HSD17B6: variants seen among roughly 807,000 people sequenced by gnomAD.
HSD17B6 encodes the protein hydroxysteroid 17-beta dehydrogenase 6, also known as 17-beta-hydroxysteroid dehydrogenase type 6.
HSD17B6 carries 16 observed loss-of-function variants against 26.4 expected under a neutral mutation model. The ratio of observed to expected loss-of-function variants is 0.61; its 90% CI spans 0.41 to 0.92. The LOEUF is 0.92. HSD17B6 is among the 40% of genes least tolerant of loss of function. HSD17B6 has a pLI of 0.00. For synonymous variants in HSD17B6, 139 were observed against 153.0 expected, an observed-to-expected ratio of 0.91 and a Z score of 0.68; for missense variants, 357 against 386.1, an observed-to-expected ratio of 0.92 and a Z score of 0.63.
chr12:56,767,888 C>CAT (rs536860203), intron 1 of HSD17B6, among the ~76,000 whole-genome samples: 2 of 148,660 alleles, frequency 1.3e-5, no homozygotes, highest in Admixed American at 1.4e-4. Context: ...CGTATATACA[C>CAT]ATATATATAC....
intron 3 of HSD17B6, among the ~76,000 whole-genome samples, chr12:56,784,371 C>T (rs536225528): frequency 6.6e-6 from 1 of 152,338 alleles, no homozygotes; most frequent in African/African-American, 2.4e-5. Flanking sequence ...CGCCACTGCA[C>T]TCCAGCCTGG....
chr12:56,765,518 A>G (rs2137891547), intron 1 of HSD17B6, among the ~76,000 whole-genome samples: 1 of 152,074 alleles, frequency 6.6e-6, no homozygotes, highest in South Asian at 2.1e-4. Flanking sequence ...AATTTTTCCA[A>G]ACAGGGTGTT....
At chr12:56,784,279 G>T (rs1411774646) in intron 3 of HSD17B6, among the ~76,000 whole-genome samples, 1 of 152,212 alleles carries the variant, frequency 6.6e-6, no homozygotes, top group Non-Finnish European at 1.5e-5. Context: ...CGGGGTGGCA[G>T]CCGGGCAGAG....
intron 3 of HSD17B6, 147 bp downstream of exon 3, chr12:56,782,379 C>A: frequency 2.4e-6 from 2 of 830,582 alleles, no homozygotes; most frequent in Non-Finnish European, 3.6e-6. Context: ...AGCTAACAGG[C>A]TCAAATTTTC....
chr12:56,774,939 T>A (rs1246010913), intron 2 of HSD17B6, among the ~76,000 whole-genome samples: 3 of 152,226 alleles, frequency 2.0e-5, no homozygotes, highest in Non-Finnish European at 4.4e-5. Flanking sequence ...GGTACCAGTC[T>A]ATGGCCCAGG....
At chr12:56,766,760 C>A (rs1954338883) in intron 1 of HSD17B6, among the ~76,000 whole-genome samples, 1 of 152,038 alleles carries the variant, frequency 6.6e-6, no homozygotes, top group Non-Finnish European at 1.5e-5. Context: ...AATCAAGAGG[C>A]ATTGAGGAGT....
At chr12:56,773,469 C>A (rs1005124069) in intron 1 of HSD17B6, among the ~76,000 whole-genome samples, 1 of 152,220 alleles carries the variant, frequency 6.6e-6, no homozygotes, top group Non-Finnish European at 1.5e-5. Flanking sequence ...GTGCTGCTCA[C>A]GACTCCCTTC....
intron 2 of HSD17B6, among the ~76,000 whole-genome samples, chr12:56,780,884 C>G (rs575942269): frequency 2.7e-5 from 4 of 148,882 alleles, no homozygotes; most frequent in Non-Finnish European, 6.0e-5. Context: ...GCTAGCCAAT[C>G]GAGACAAATA....
intron 1 of HSD17B6, among the ~76,000 whole-genome samples, chr12:56,764,182 G>A (rs1427801469): frequency 6.6e-6 from 1 of 152,032 alleles, no homozygotes; most frequent in Non-Finnish European, 1.5e-5. Flanking sequence ...ATGCCCAAGT[G>A]GGAAGAAAAG....
chr12:56,774,513 G>A (rs1360551443), intron 2 of HSD17B6, among the ~76,000 whole-genome samples: 1 of 152,184 alleles, frequency 6.6e-6, no homozygotes, highest in African/African-American at 2.4e-5. Context: ...GACAGGGAGT[G>A]GGGATGGTTT....
rs377569559 is a variant in HSD17B6 at position 56,781,340 on chromosome 12, GCTA to G, written c.314-631_314-629del. 1.1e-3 allele frequency among the ~76,000 whole-genome samples: 168 copies of G among 152,032 alleles called. 1 individual carries two copies. Among genetic ancestry groups the G allele is most frequent in the African/African-American group, 3.8e-3 (157 of 41,476 alleles). On this transcript the variant is annotated intron_variant, in intron 2 of 4. Transcript: ENST00000322165. ...ATTTTTCTTTACTGTCTTCCAGTTTGCTACTTTCTTTCTTCCACTATGTCTATC... is the reference window on the plus strand; with the variant it reads ...ATTTTTCTTTACTGTCTTCCAGTTTGCTTTCTTTCTTCCACTATGTCTATC...
chr12:56,770,160 G>A (rs1341767097), intron 1 of HSD17B6, among the ~76,000 whole-genome samples: 3 of 151,954 alleles, frequency 2.0e-5, no homozygotes, highest in Admixed American at 6.6e-5. Flanking sequence ...GAGGGAAGAG[G>A]GGAAAAGGAG....
chr12:56,781,728 G>A (rs899411539), intron 2 of HSD17B6, among the ~76,000 whole-genome samples: 3 of 152,182 alleles, frequency 2.0e-5, no homozygotes, highest in East Asian at 1.9e-4. Context: ...GCTTGAACCC[G>A]GGAGGCAGAG....
In HSD17B6 at chr12:56,767,294, C is replaced by T. The variant is rs189000599; in HGVS notation, c.-20+3880C>T. 3.8e-3 allele frequency among the ~76,000 whole-genome samples: 572 copies of T among 151,670 alleles called. 7 individuals are homozygous for T. The highest frequency in any genetic ancestry group is 0.013 in the African/African-American group (552 of 41,344). On this transcript the variant is annotated intron_variant, in intron 1 of 4. Coordinates refer to ENST00000322165, the MANE Select transcript of HSD17B6 (RefSeq NM_003725.4). ...TTGGGAGGCTGAGGTGGGAGGATCA[C>T]GAGGTCAGGAGATCGAGACCATCCT...
Position 56,785,435 on chromosome 12 carries a change from G to T in HSD17B6, c.736+419G>T, listed in dbSNP as rs148134624. ...CCTTGCATGAGAAGGGGAAAAGAGG[G>T]TTGGTGGACAATGATTGGCAGATCC... On this transcript the variant is annotated intron_variant, in intron 4 of 4. Transcript: ENST00000322165. Among the ~76,000 whole-genome samples the T allele has an allele frequency of 6.0e-3, 918 of 152,350 alleles. 6 individuals carry two copies. Among genetic ancestry groups the T allele is most frequent in the Non-Finnish European group, 8.5e-3 (575 of 68,024 alleles).
intron 2 of HSD17B6, among the ~76,000 whole-genome samples, chr12:56,778,568 C>T (rs910451743): frequency 7.2e-5 from 11 of 152,086 alleles, no homozygotes; most frequent in African/African-American, 2.7e-4. Context: ...TGAGCCACTG[C>T]GCCCGGCCTT....
intron 2 of HSD17B6, among the ~76,000 whole-genome samples, chr12:56,779,930 A>T (rs1444311365): frequency 6.6e-6 from 1 of 151,358 alleles, no homozygotes; most frequent in Non-Finnish European, 1.5e-5. Context: ...AAAAAAATTT[A>T]TTAAAATGTC....
intron 1 of HSD17B6, among the ~76,000 whole-genome samples, chr12:56,765,461 C>A (rs1470454888): frequency 2.6e-5 from 4 of 151,970 alleles, no homozygotes; most frequent in Admixed American, 2.0e-4. Flanking sequence ...AAAACAAAAA[C>A]ACACACACAA....
chr12:56,774,405 A>G (rs1183979916), intron 2 of HSD17B6, among the ~76,000 whole-genome samples: 1 of 152,144 alleles, frequency 6.6e-6, no homozygotes, highest in Non-Finnish European at 1.5e-5. Flanking sequence ...TACTTTGTAA[A>G]TGATATGTAA....
Sources: allele counts gnomAD v4.1 joint callset (sites outside exome capture counted in the v4.1 genomes callset), GRCh38; gene constraint gnomAD v4.1.1; transcripts MANE v1.5; gene names NCBI Gene and HGNC (gene_info 2026-07-23, HGNC 2026-07-21).